Variants in SPAG16 observed in about 807,000 individuals in gnomAD.
The protein encoded by SPAG16 is sperm-associated antigen 16 protein.
Under a neutral mutation model 80.4 loss-of-function variants are expected in SPAG16, and 86 were observed. That is an observed-to-expected ratio of 1.07 (90% CI 0.90 to 1.28). The LOEUF (loss-of-function observed/expected upper bound fraction) is 1.28. Among genes scored for constraint, SPAG16 ranks in the 50% most tolerant of loss-of-function variants. SPAG16 has a pLI of 0.00. For synonymous variants in SPAG16, 294 were observed against 265.9 expected (o/e 1.11, Z -1.03); for missense variants, 870 against 765.3 (o/e 1.14, Z -1.61).
chr2:214,307,549 T>C (rs1054919164), intron 15 of SPAG16, among the ~76,000 whole-genome samples: 1 of 150,964 alleles, frequency 6.6e-6, no homozygotes, highest in Non-Finnish European at 1.5e-5. Context: ...AATTTCCCTC[T>C]TAACACTGCC....
chr2:214,388,190 T>C (rs1320516805), intron 15 of SPAG16, among the ~76,000 whole-genome samples: 1 of 151,024 alleles, frequency 6.6e-6, no homozygotes, highest in Non-Finnish European at 1.5e-5. Context: ...TTTTATATTT[T>C]ATATTTTATT....
intron 13 of SPAG16, among the ~76,000 whole-genome samples, chr2:214,076,211 A>G (rs2051064575): frequency 6.6e-6 from 1 of 152,204 alleles, no homozygotes; most frequent in Non-Finnish European, 1.5e-5. Flanking sequence ...AGGTATATTT[A>G]TCTTCTTGAT....
At chr2:213,987,894 G>T (rs971352747) in intron 12 of SPAG16, among the ~76,000 whole-genome samples, 2 of 148,192 alleles carry the variant, frequency 1.3e-5, no homozygotes, top group East Asian at 3.9e-4. Context: ...AAACATATTT[G>T]TATAAATGTT....
chr2:213,325,275 T>C (rs186256906), intron 5 of SPAG16, among the ~76,000 whole-genome samples: 2,171 of 146,784 alleles, frequency 0.015, 24 homozygotes, highest in South Asian at 0.044. Flanking sequence ...TTTGACATTT[T>C]GTTGAATATA....
intron 13 of SPAG16, among the ~76,000 whole-genome samples, chr2:214,056,569 G>C (rs2049958494): frequency 6.6e-6 from 1 of 151,940 alleles, no homozygotes; most frequent in East Asian, 1.9e-4. Flanking sequence ...CCTTCAGCAA[G>C]TTGTAATGTT....
intron 15 of SPAG16, among the ~76,000 whole-genome samples, chr2:214,306,358 T>C (rs1198292082): frequency 6.6e-6 from 1 of 152,142 alleles, no homozygotes; most frequent in Non-Finnish European, 1.5e-5. Flanking sequence ...CCTATTTGCA[T>C]GCCTTTATTT....
chr2:213,521,087 A>C (rs1315308481), intron 10 of SPAG16, among the ~76,000 whole-genome samples: 1 of 152,132 alleles, frequency 6.6e-6, no homozygotes, highest in Non-Finnish European at 1.5e-5. Context: ...GTGTGTGTGG[A>C]TTCAACCCAA....
intron 15 of SPAG16, among the ~76,000 whole-genome samples, chr2:214,250,741 T>G (rs1420431609): frequency 1.1e-3 from 76 of 70,632 alleles, no homozygotes; most frequent in Non-Finnish European, 1.8e-3. Context: ...GAGATATATA[T>G]ATATATATAT....
chr2:213,304,448 C>A (rs2062860574), intron 3 of SPAG16, among the ~76,000 whole-genome samples: 1 of 152,012 alleles, frequency 6.6e-6, no homozygotes, highest in African/African-American at 2.4e-5. Flanking sequence ...GAAATTTTTG[C>A]CCAGACCAGT....
At position 213,686,100 on chromosome 2, in the gene SPAG16, T is replaced by C. The variant is rs573834928; in HGVS notation, c.1071-176385T>C. ...TTAATGTCTAAACCCAAAATTTTCC[T>C]AGTTCCTCTATGTGTTACTTTATTT... On this transcript the variant is annotated intron_variant, in intron 10 of 15. Transcript: ENST00000331683. Among the ~76,000 whole-genome samples the C allele has an allele frequency of 4.6e-5, 7 of 152,320 alleles. No homozygotes were observed. In the East Asian group the frequency reaches 1.3e-3, roughly 29 times the overall value.
intron 6 of SPAG16, among the ~76,000 whole-genome samples, chr2:213,346,574 G>C (rs540257882): frequency 6.6e-6 from 1 of 152,288 alleles, no homozygotes; most frequent in African/African-American, 2.4e-5. Context: ...CTCATTTATT[G>C]AGAGTTTTTA....
chr2:213,325,325 C>A (rs2063796748), intron 5 of SPAG16, among the ~76,000 whole-genome samples: 1 of 151,754 alleles, frequency 6.6e-6, no homozygotes, highest in African/African-American at 2.4e-5. Context: ...TCTGTGTTTT[C>A]TTCTAAAACG....
chr2:214,332,760 CA>C (rs1192786017), intron 15 of SPAG16, among the ~76,000 whole-genome samples: 1 of 152,042 alleles, frequency 6.6e-6, no homozygotes, highest in Non-Finnish European at 1.5e-5. Flanking sequence ...CTCTAATCTC[CA>C]AAAATCACCC....
At chr2:213,305,768 G>A (rs563555535) in intron 3 of SPAG16, among the ~76,000 whole-genome samples, 3 of 152,180 alleles carry the variant, frequency 2.0e-5, no homozygotes, top group Non-Finnish European at 4.4e-5. Flanking sequence ...CTAATACGGT[G>A]TTGAGGATTT....
intron 10 of SPAG16, among the ~76,000 whole-genome samples, chr2:213,546,061 A>G (rs187572176): frequency 7.9e-4 from 120 of 152,194 alleles, no homozygotes; most frequent in African/African-American, 2.8e-3. Context: ...CAAGTGTTGA[A>G]TTTTTAAAAA....
intron 10 of SPAG16, among the ~76,000 whole-genome samples, chr2:213,520,027 GCACA>G (rs113666242): frequency 4.4e-4 from 67 of 150,864 alleles, no homozygotes; most frequent in Non-Finnish European, 7.8e-4. Context: ...GCATGTGCGT[GCACA>G]CACACACACA....
intron 9 of SPAG16, among the ~76,000 whole-genome samples, chr2:213,423,854 A>G (rs923883750): frequency 1.1e-4 from 16 of 152,220 alleles, no homozygotes; most frequent in Non-Finnish European, 1.8e-4. Flanking sequence ...CTCGTCTGCA[A>G]TAGATAGTCT....
chr2:213,601,497 T>C (rs1046439570), intron 10 of SPAG16, among the ~76,000 whole-genome samples: 2 of 152,222 alleles, frequency 1.3e-5, no homozygotes, highest in East Asian at 3.9e-4. Flanking sequence ...ATGCCTATGA[T>C]GAATTACTAT....
At position 213,833,445 on chromosome 2, in the gene SPAG16, A is replaced by ATATATAT. The variant is rs2073794650; in HGVS notation, c.1071-29039_1071-29033dup. ...TGTATCTATGTATGTGTGTGTGTAT[A>ATATATAT]TATATATATTATATATATATTATAT... is the stretch of plus-strand genomic sequence containing the variant. On this transcript the variant is annotated intron_variant, in intron 10 of 15. Transcript: ENST00000331683. 0.028 allele frequency among the ~76,000 whole-genome samples: 72 copies of ATATATAT among 2,546 alleles called. 5 individuals are homozygous for ATATATAT. The Non-Finnish European group carries it at 0.3, about 11-fold the overall frequency. 1.7% of individuals were successfully genotyped at this position (2,546 alleles called of 152,430 possible).
Sources: allele counts gnomAD v4.1 joint callset (sites outside exome capture counted in the v4.1 genomes callset), GRCh38; gene constraint gnomAD v4.1.1; transcripts MANE v1.5; gene names NCBI Gene and HGNC (gene_info 2026-07-23, HGNC 2026-07-21).